The following DGKB variants were observed in gnomAD, a reference collection of about 807,000 sequenced individuals.
DGKB encodes the protein diacylglycerol kinase beta.
In DGKB, 67 loss-of-function variants were observed where a neutral mutation model predicts 114.3. That is an observed-to-expected ratio of 0.59 (90% CI 0.48 to 0.72). DGKB has a LOEUF of 0.72. Ranked by LOEUF, DGKB falls within the 30% of genes least tolerant of loss-of-function variation. DGKB has a pLI of 0.00. For synonymous variants in DGKB, 398 were observed against 323.1 expected (o/e 1.23, Z -2.49); for missense variants, 907 against 975.2 (o/e 0.93, Z 0.93).
At chr7:14,515,103 C>T (rs567897031) in intron 20 of DGKB, among the ~76,000 whole-genome samples, 4 of 152,218 alleles carry the variant, frequency 2.6e-5, no homozygotes, top group East Asian at 3.9e-4. Context: ...AGAGCTGAGA[C>T]GTTCTCTGAA....
chr7:14,387,250 C>T (rs997509785), intron 21 of DGKB, among the ~76,000 whole-genome samples: 17 of 151,826 alleles, frequency 1.1e-4, no homozygotes, highest in Non-Finnish European at 2.1e-4. Flanking sequence ...GGTGAAACTC[C>T]GTCTCTACTA....
At chr7:14,410,720 G>A (rs1824727458) in intron 21 of DGKB, among the ~76,000 whole-genome samples, 1 of 151,932 alleles carries the variant, frequency 6.6e-6, no homozygotes, top group African/African-American at 2.4e-5. Flanking sequence ...TACCACATCT[G>A]AGCTACATAA....
intron 23 of DGKB, among the ~76,000 whole-genome samples, chr7:14,279,066 C>A (rs1396950003): frequency 2.0e-5 from 3 of 152,126 alleles, no homozygotes; most frequent in Non-Finnish European, 4.4e-5. Flanking sequence ...TTGCCTCACT[C>A]AGGAAGCGCA....
At chr7:14,370,581 T>A (rs1308399677) in intron 21 of DGKB, among the ~76,000 whole-genome samples, 1 of 152,224 alleles carries the variant, frequency 6.6e-6, no homozygotes, top group Non-Finnish European at 1.5e-5. Context: ...TCCATTTGTT[T>A]GTGTCTTCTC....
chr7:14,602,900 A>G (rs756234701), intron 17 of DGKB, among the ~76,000 whole-genome samples: 6 of 152,160 alleles, frequency 3.9e-5, no homozygotes, highest in Non-Finnish European at 7.4e-5. Context: ...ATAGGCAATA[A>G]TCTTTAAACA....
At chr7:14,731,350 A>T (rs1461095434) in intron 5 of DGKB, among the ~76,000 whole-genome samples, 1 of 152,130 alleles carries the variant, frequency 6.6e-6, no homozygotes, top group African/African-American at 2.4e-5. Context: ...TGTGGGGAGT[A>T]ATTGAGGTAC....
chr7:14,758,476 T>G (rs1040894949), intron 2 of DGKB, among the ~76,000 whole-genome samples: 3 of 152,092 alleles, frequency 2.0e-5, no homozygotes, highest in Non-Finnish European at 4.4e-5. Flanking sequence ...TTACAACGCA[T>G]TTTTAAGTTA....
intron 24 of DGKB, among the ~76,000 whole-genome samples, chr7:14,177,407 T>G (rs1272450626): frequency 1.3e-5 from 2 of 151,768 alleles, no homozygotes; most frequent in Non-Finnish European, 2.9e-5. Context: ...ATACAAAAAT[T>G]AGCCAGGATG....
At chr7:14,609,643 C>G (rs1259182299) in intron 16 of DGKB, among the ~76,000 whole-genome samples, 3 of 152,020 alleles carry the variant, frequency 2.0e-5, no homozygotes, top group Non-Finnish European at 4.4e-5. Flanking sequence ...GGTGTAATAT[C>G]CAGAATCTAT....
At chr7:14,528,750 G>C (rs1056314592) in intron 20 of DGKB, among the ~76,000 whole-genome samples, 1 of 151,950 alleles carries the variant, frequency 6.6e-6, no homozygotes, top group South Asian at 2.1e-4. Context: ...TATATGAATG[G>C]GATATATCTT....
intron 21 of DGKB, among the ~76,000 whole-genome samples, chr7:14,379,043 A>ATTTT (rs35165827): frequency 1.3e-5 from 2 of 149,716 alleles, no homozygotes; most frequent in Non-Finnish European, 3.0e-5. Context: ...AAAAAATCTC[A>ATTTT]TTTTTTTTTT....
At chr7:14,689,930 C>T (rs1313334291) in intron 9 of DGKB, among the ~76,000 whole-genome samples, 2 of 152,102 alleles carry the variant, frequency 1.3e-5, no homozygotes, top group East Asian at 3.9e-4. Flanking sequence ...CAGTCAAAGG[C>T]AAAGTTTAAA....
chr7:14,960,720 T>G (rs891742190), intron 1 of DGKB, among the ~76,000 whole-genome samples: 4 of 152,104 alleles, frequency 2.6e-5, no homozygotes, highest in Admixed American at 6.6e-5. Flanking sequence ...AAGGTCAATC[T>G]GTGTTATTAT....
At position 14,649,001 on chromosome 7, in the gene DGKB, G is replaced by C. The variant is rs1171562117; in HGVS notation, c.1135-18733C>G. On this transcript the variant is annotated intron_variant, in intron 13 of 25. Transcript: ENST00000402815. Reference sequence around the variant, plus strand: ...CAAGAAATATGGGACTATGTGAAAAGACCAAATCTACGTCTCATTGGTGTA... The same window carrying C: ...CAAGAAATATGGGACTATGTGAAAACACCAAATCTACGTCTCATTGGTGTA... Among the ~76,000 whole-genome samples the C allele has an allele frequency of 8.7e-5, 6 of 69,106 alleles. 2 individuals are homozygous for C. The Admixed American group carries it at 9.1e-4, about 10-fold the overall frequency. 45.3% of individuals were successfully genotyped at this position (69,106 alleles called of 152,430 possible). A position where few individuals can be genotyped will look rare whatever the true frequency, so the allele number is the denominator to read the frequency against.
In DGKB at chr7:14,851,830, C is replaced by A. The variant is rs116280689; in HGVS notation, c.-187-10380G>T. On this transcript the variant is annotated intron_variant, in intron 1 of 25. Transcript: ENST00000402815. ...TGTATAAGTGTAACAGGAAACAGCCCAGATGAAGTCACAGTCAGCAAGCCA... is the reference window on the plus strand; with the variant it reads ...TGTATAAGTGTAACAGGAAACAGCCAAGATGAAGTCACAGTCAGCAAGCCA... Among the ~76,000 whole-genome samples the A allele has an allele frequency of 7.9e-3, 1,210 of 152,230 alleles. 16 individuals are homozygous for A. The highest frequency in any genetic ancestry group is 0.028 in the African/African-American group (1,152 of 41,534).
chr7:14,803,804 G>C (rs181853434), intron 2 of DGKB, among the ~76,000 whole-genome samples: 278 of 152,054 alleles, frequency 1.8e-3, no homozygotes, highest in African/African-American at 5.9e-3. Flanking sequence ...CATTTTTCAA[G>C]TTACTTACCC....
At chr7:14,619,019 A>G (rs1807097245) in intron 15 of DGKB, among the ~76,000 whole-genome samples, 1 of 151,614 alleles carries the variant, frequency 6.6e-6, no homozygotes, top group South Asian at 2.1e-4. Context: ...TTTGCATATA[A>G]TAGCTATCCA....
At chr7:14,763,745 G>A (rs1836048643) in intron 2 of DGKB, among the ~76,000 whole-genome samples, 1 of 152,062 alleles carries the variant, frequency 6.6e-6, no homozygotes, top group Non-Finnish European at 1.5e-5. Flanking sequence ...CATAGCTGCT[G>A]TGAGAAGACT....
Position 14,561,818 on chromosome 7 carries a change from T to C in DGKB, c.1770+12394A>G, listed in dbSNP as rs533656921. On this transcript the variant is annotated intron_variant, in intron 20 of 25. Transcript: ENST00000402815. ...GAAAATTTGCAGCCTGACAATGCAA[T>C]AGAAAATAAAAATCCATTTTCGGGG... 5.9e-5 allele frequency among the ~76,000 whole-genome samples: 9 copies of C among 152,284 alleles called. 1 individual carries two copies. The highest frequency in any genetic ancestry group is 1.7e-4 in the African/African-American group (7 of 41,568).
Sources: gnomAD v4.1 joint callset for allele counts (sites outside exome capture counted in the v4.1 genomes callset) on GRCh38, gnomAD v4.1.1 for gene constraint, MANE v1.5 for transcripts, NCBI Gene and HGNC (gene_info 2026-07-23, HGNC 2026-07-21) for gene names.